The following SNTG2 variants were observed in gnomAD, a reference collection of about 807,000 sequenced individuals.
SNTG2 encodes the protein gamma-2-syntrophin.
A neutral mutation model predicts 70.9 loss-of-function variants in SNTG2; 74 were observed. The observed-to-expected ratio is 1.04, with a 90% confidence interval of 0.86 to 1.27. The LOEUF is 1.27. Ranked by LOEUF, SNTG2 falls within the 50% of genes most tolerant of loss-of-function variation. The probability of loss-of-function intolerance (pLI) is 0.00; values close to 1 mark genes in which losing one functional copy is unlikely to be tolerated. For synonymous variants in SNTG2, 278 were observed against 273.8 expected (o/e 1.02, Z -0.15); for missense variants, 717 against 690.7 (o/e 1.04, Z -0.43).
chr2:1,128,575 T>C (rs75691757), intron 4 of SNTG2, among the ~76,000 whole-genome samples: 18,216 of 152,176 alleles, frequency 0.12, 1,136 homozygotes, highest in Admixed American at 0.15. Flanking sequence ...AAATAGTAAG[T>C]GTTTGATAAA....
chr2:983,986 G>A (rs1661217569), intron 1 of SNTG2, among the ~76,000 whole-genome samples: 1 of 152,172 alleles, frequency 6.6e-6, no homozygotes, highest in Non-Finnish European at 1.5e-5. Flanking sequence ...GTCAAGAGGA[G>A]GCCAGACTGT....
At chr2:1,291,132 A>T (rs944049274) in intron 14 of SNTG2, among the ~76,000 whole-genome samples, 6 of 152,086 alleles carry the variant, frequency 3.9e-5, no homozygotes, top group Non-Finnish European at 8.8e-5. Flanking sequence ...CCACGTGCTG[A>T]TGGGTCATTG....
chr2:1,244,307 C>T (rs1352375591), intron 11 of SNTG2, among the ~76,000 whole-genome samples: 2 of 152,130 alleles, frequency 1.3e-5, no homozygotes, highest in African/African-American at 2.4e-5. Context: ...TCTACTCCTC[C>T]CTCTTACTAA....
chr2:1,016,635 G>A (rs1370177021), intron 1 of SNTG2, among the ~76,000 whole-genome samples: 1 of 152,234 alleles, frequency 6.6e-6, no homozygotes, highest in Non-Finnish European at 1.5e-5. Context: ...TTTGAAGGAG[G>A]AAGGCTGAGA....
chr2:1,230,347 A>T lies in SNTG2; in HGVS notation c.720-7541A>T, dbSNP rs538990791. On this transcript the variant is annotated intron_variant, in intron 9 of 16. Transcript: ENST00000308624. The stretch of plus-strand genomic sequence containing the variant: ...AGAGGGACGGGCACTGGAAACTTGG[A>T]TGTCTGGGGGCCGGGACTCAGGAGC... 3.9e-5 allele frequency among the ~76,000 whole-genome samples: 6 copies of T among 152,278 alleles called. No homozygotes were observed. In the South Asian group the frequency reaches 1.2e-3, roughly 32 times the overall value.
intron 4 of SNTG2, chr2:1,103,473 C>T: frequency 4.5e-6 from 1 of 221,180 alleles, no homozygotes; most frequent in South Asian, 5.2e-5. Context: ...AACCAACCTC[C>T]ACCTCCCAGG....
rs1278996069 is a variant in SNTG2 at position 1,353,974 on chromosome 2, C to T, written c.1489-13369C>T. On this transcript the variant is annotated intron_variant, in intron 16 of 16. Transcript: ENST00000308624. This position sits in a 1 kb window ranked among gnomAD's most constrained non-coding sequence, Gnocchi z 4.2. ...AAACGTTTTCTCCGGTGATGGGTGA[C>T]CTCACCGTTCACATTTTGACAAGCA... The T allele has an allele frequency of 2.0e-5, 3 of 152,170 alleles. No homozygotes were observed. The East Asian group carries it at 5.8e-4, about 29-fold the overall frequency. 9.4% of individuals were successfully genotyped at this position (152,170 alleles called of 1,614,324 possible). A position where few individuals can be genotyped will look rare whatever the true frequency, so the allele number is the denominator to read the frequency against.
chr2:1,254,251 T>C (rs962042057), intron 12 of SNTG2, among the ~76,000 whole-genome samples: 1 of 152,142 alleles, frequency 6.6e-6, no homozygotes, highest in African/African-American at 2.4e-5. Context: ...GGGTCCCTAA[T>C]CTCTGTCTTT....
chr2:1,254,521 A>AT (rs35886254), intron 12 of SNTG2, among the ~76,000 whole-genome samples: 50,082 of 152,192 alleles, frequency 0.33, 9,763 homozygotes, highest in African/African-American at 0.55. Context: ...ATTATTAGCA[A>AT]TTTAAGACTA....
chr2:1,213,082 G>A (rs1228975397), intron 9 of SNTG2, among the ~76,000 whole-genome samples: 2 of 151,916 alleles, frequency 1.3e-5, no homozygotes, highest in Non-Finnish European at 2.9e-5. Context: ...CTACCTTCTG[G>A]GTCCTTTCTA....
At chr2:1,310,718 G>C (rs143668534) in intron 15 of SNTG2, among the ~76,000 whole-genome samples, 3 of 152,076 alleles carry the variant, frequency 2.0e-5, no homozygotes, top group African/African-American at 4.8e-5. Flanking sequence ...TTTCCCTGGC[G>C]TGGTCAATGC....
At chr2:969,800 G>A (rs796379228) in intron 1 of SNTG2, among the ~76,000 whole-genome samples, 10 of 152,302 alleles carry the variant, frequency 6.6e-5, no homozygotes, top group African/African-American at 2.2e-4. Context: ...GAATCATATT[G>A]TCTGCAAACA....
chr2:1,356,818 A>G (rs1195291280), intron 16 of SNTG2, among the ~76,000 whole-genome samples: 1 of 151,960 alleles, frequency 6.6e-6, no homozygotes, highest in Non-Finnish European at 1.5e-5. Context: ...TTTTTTATTT[A>G]CTTGTGTCTT....
chr2:983,203 TG>T lies in SNTG2; in HGVS notation c.72+32137del, dbSNP rs566719832. 3.1e-3 allele frequency among the ~76,000 whole-genome samples: 282 copies of T among 89,712 alleles called. 2 individuals carry two copies. Among genetic ancestry groups the T allele is most frequent in the Non-Finnish European group, 5.5e-3 (219 of 39,956 alleles). 58.9% of individuals were successfully genotyped at this position (89,712 alleles called of 152,430 possible). Reference sequence around the variant, plus strand: ...TTTTTAGCAGAAGCTGCAGAGGTGGTGGTCAGGATGCAGAAGCTGCAGAGGT... The same window carrying T: ...TTTTTAGCAGAAGCTGCAGAGGTGGTGTCAGGATGCAGAAGCTGCAGAGGT... On this transcript the variant is annotated intron_variant, in intron 1 of 16. Transcript: ENST00000308624.
At chr2:1,075,126 C>G (rs1663832758) in intron 1 of SNTG2, among the ~76,000 whole-genome samples, 1 of 152,144 alleles carries the variant, frequency 6.6e-6, no homozygotes, top group South Asian at 2.1e-4. Flanking sequence ...TAGCCAAAGT[C>G]ACATAACTAA....
chr2:1,225,708 T>C (rs562652078), intron 9 of SNTG2, among the ~76,000 whole-genome samples: 9 of 152,332 alleles, frequency 5.9e-5, no homozygotes, highest in South Asian at 2.1e-4. Context: ...GGGGTGGAAT[T>C]TAAGCACCGT....
rs561927013 is a variant in SNTG2 at position 1,029,595 on chromosome 2, G to A, written c.73-53923G>A. The stretch of plus-strand genomic sequence containing the variant: ...TGACACATGAGTTCTCCATAGTTCT[G>A]GCGTTACACCCTGAGACCATGCGTG... On this transcript the variant is annotated intron_variant, in intron 1 of 16. Coordinates refer to ENST00000308624, the MANE Select transcript of SNTG2 (RefSeq NM_018968.4). 3.9e-5 allele frequency among the ~76,000 whole-genome samples: 6 copies of A among 152,272 alleles called. No individual in the cohort carries two copies. In the South Asian group the frequency reaches 1.2e-3, roughly 32 times the overall value.
chr2:1,094,855 G>A (rs11904494), intron 2 of SNTG2, among the ~76,000 whole-genome samples: 3 of 74,454 alleles, frequency 4.0e-5, no homozygotes, highest in South Asian at 6.2e-4. Flanking sequence ...GGCAAGGGCT[G>A]GCTTCCTGGG....
At chr2:972,125 G>T (rs1040201080) in intron 1 of SNTG2, among the ~76,000 whole-genome samples, 3 of 152,104 alleles carry the variant, frequency 2.0e-5, no homozygotes, top group Admixed American at 2.0e-4. Flanking sequence ...TTGTTTGGGG[G>T]TATAGAGCTC....
Sources: allele counts gnomAD v4.1 joint callset (sites outside exome capture counted in the v4.1 genomes callset), GRCh38; gene constraint gnomAD v4.1.1; non-coding constraint Gnocchi (gnomAD v3.1); transcripts MANE v1.5; gene names NCBI Gene and HGNC (gene_info 2026-07-23, HGNC 2026-07-21).